The following GPC6 variants were observed in gnomAD, a reference collection of about 807,000 sequenced individuals.
The protein encoded by GPC6 is glypican-6.
GPC6 carries 14 observed loss-of-function variants against 55.2 expected under a neutral mutation model. The observed-to-expected ratio is 0.25, with a 90% CI of 0.17 to 0.40. The LOEUF is 0.40. GPC6 is among the 10% of genes least tolerant of loss of function. The probability of loss-of-function intolerance (pLI) is 1.00; values close to 1 mark genes in which losing one functional copy is unlikely to be tolerated. For synonymous variants in GPC6, 278 were observed against 259.6 expected, an observed-to-expected ratio of 1.07 and a Z score of -0.68; for missense variants, 641 against 708.5, an observed-to-expected ratio of 0.90 and a Z score of 1.08.
intron 4 of GPC6, among the ~76,000 whole-genome samples, chr13:94,095,124 T>G (rs185807713): frequency 1.5e-4 from 23 of 152,244 alleles, no homozygotes; most frequent in African/African-American, 5.5e-4. Context: ...AGATAGGAAG[T>G]AATAATAATT....
At chr13:94,232,284 TCTAACCCA>T (rs1328641372) in intron 4 of GPC6, among the ~76,000 whole-genome samples, 1 of 152,174 alleles carries the variant, frequency 6.6e-6, no homozygotes, top group Non-Finnish European at 1.5e-5. Flanking sequence ...TTTCTTTCAG[TCTAACCCA>T]CTCCTTAAGG....
chr13:93,370,715 T>C (rs978617298), intron 1 of GPC6, among the ~76,000 whole-genome samples: 3 of 152,170 alleles, frequency 2.0e-5, no homozygotes, highest in Admixed American at 6.6e-5. Flanking sequence ...CCAGGGATTA[T>C]GTTACATAGA....
intron 1 of GPC6, among the ~76,000 whole-genome samples, chr13:93,250,036 G>T (rs1202261549): frequency 6.6e-6 from 1 of 152,100 alleles, no homozygotes; most frequent in Non-Finnish European, 1.5e-5. Flanking sequence ...CAATCAAGTG[G>T]GATACTTGCT....
rs375848893 is a variant in GPC6 at position 93,269,652 on chromosome 13, A to G, written c.160+42036A>G. Among the ~76,000 whole-genome samples the G allele has an allele frequency of 3.5e-3, 534 of 151,954 alleles. 3 individuals are homozygous for G. Among genetic ancestry groups the G allele is most frequent in the African/African-American group, 0.012 (482 of 41,436 alleles). On this transcript the variant is annotated intron_variant, in intron 1 of 8. Transcript: ENST00000377047. The stretch of plus-strand genomic sequence containing the variant: ...TAGAAATATTTGTGGTAGGCCGGAC[A>G]CGGTGGCTCACGCCTGTAATCCCAG...
intron 4 of GPC6, among the ~76,000 whole-genome samples, chr13:94,259,934 A>G (rs1249269481): frequency 6.6e-6 from 1 of 152,162 alleles, no homozygotes; most frequent in Non-Finnish European, 1.5e-5. Context: ...TATTTTGTTT[A>G]TCATTAATCT....
chr13:93,236,881 T>C (rs1334352839), intron 1 of GPC6, among the ~76,000 whole-genome samples: 6 of 152,192 alleles, frequency 3.9e-5, no homozygotes, highest in South Asian at 2.1e-4. Flanking sequence ...TCCATCCAAG[T>C]TACTGCAAAA....
In GPC6 at chr13:93,888,229, C is replaced by G. The variant is rs117726609; in HGVS notation, c.711+57684C>G. On this transcript the variant is annotated intron_variant, in intron 3 of 8. Coordinates refer to ENST00000377047, the MANE Select transcript of GPC6 (RefSeq NM_005708.5). ...GGCACTTTTTTGATCAACTTCCAAT[C>G]ATTTATAAAGCAAAAGATAGTATCC... Among the ~76,000 whole-genome samples, 42 of 152,228 alleles carry G rather than the reference C, an allele frequency of 2.8e-4. No individual in the cohort carries two copies. The East Asian group carries it at 7.3e-3, about 27-fold the overall frequency.
At chr13:94,108,854 CAA>C (rs71126434) in intron 4 of GPC6, among the ~76,000 whole-genome samples, 2 of 145,294 alleles carry the variant, frequency 1.4e-5, no homozygotes, top group Non-Finnish European at 1.5e-5. Context: ...AAAAAAAAAA[CAA>C]AAAAAAAAAG....
chr13:93,426,034 C>A (rs1323504765), intron 1 of GPC6, among the ~76,000 whole-genome samples: 1 of 152,170 alleles, frequency 6.6e-6, no homozygotes, highest in Non-Finnish European at 1.5e-5. Flanking sequence ...GGGCTAAGGG[C>A]AGAAACTTCT....
At chr13:94,028,125 C>T (rs762608660) in intron 4 of GPC6, among the ~76,000 whole-genome samples, 15 of 151,942 alleles carry the variant, frequency 9.9e-5, no homozygotes, top group South Asian at 6.2e-4. Context: ...ATAAGCTGGG[C>T]GTGGTAGCAC....
chr13:94,088,561 G>C (rs1295342083), intron 4 of GPC6, among the ~76,000 whole-genome samples: 1 of 104,872 alleles, frequency 9.5e-6, no homozygotes, highest in African/African-American at 3.5e-5. Context: ...GAAGGGAAGG[G>C]CAGGGGAGGG....
intron 4 of GPC6, among the ~76,000 whole-genome samples, chr13:94,126,475 A>G (rs1886817837): frequency 6.6e-6 from 1 of 152,204 alleles, no homozygotes. Flanking sequence ...TTTGTAAAAA[A>G]GTGAATATGA....
intron 5 of GPC6, among the ~76,000 whole-genome samples, chr13:94,299,011 C>T (rs1886932): frequency 0.32 from 48,647 of 151,932 alleles, 8,274 homozygotes; most frequent in Non-Finnish European, 0.38. Context: ...CAAAAGGGGA[C>T]GATTATGACT....
chr13:93,216,791 C>T, the GPC6 span, among the ~76,000 whole-genome samples: 2 of 152,252 alleles, frequency 1.3e-5, no homozygotes, highest in East Asian at 1.9e-4. Flanking sequence ...CTAAATCTAC[C>T]TGGAATTGGC....
At chr13:93,944,014 G>T (rs1436990197) in intron 3 of GPC6, among the ~76,000 whole-genome samples, 1 of 152,204 alleles carries the variant, frequency 6.6e-6, no homozygotes, top group Non-Finnish European at 1.5e-5. Context: ...CCTATCTGGG[G>T]GGTTCTCTGA....
At chr13:93,439,477 C>T (rs1877694930) in intron 1 of GPC6, among the ~76,000 whole-genome samples, 1 of 151,986 alleles carries the variant, frequency 6.6e-6, no homozygotes, top group African/African-American at 2.4e-5. Context: ...GTAAGACATT[C>T]CTTGCTCTTC....
intron 2 of GPC6, among the ~76,000 whole-genome samples, chr13:93,580,234 C>A (rs1002161889): frequency 6.6e-6 from 1 of 152,112 alleles, no homozygotes; most frequent in African/African-American, 2.4e-5. Context: ...CTCTTGGGGT[C>A]TCTTTTATGA....
intron 2 of GPC6, among the ~76,000 whole-genome samples, chr13:93,640,372 A>C (rs1879862457): frequency 6.6e-6 from 1 of 152,118 alleles, no homozygotes; most frequent in Non-Finnish European, 1.5e-5. Context: ...TCCCATCACA[A>C]ATCTCAGAGG....
intron 4 of GPC6, among the ~76,000 whole-genome samples, chr13:94,141,101 T>G (rs1887359658): frequency 6.6e-6 from 1 of 151,968 alleles, no homozygotes; most frequent in East Asian, 1.9e-4. Context: ...TCCTGAGAAA[T>G]TGTCACCAAT....
Sources: allele counts gnomAD v4.1 joint callset (sites outside exome capture counted in the v4.1 genomes callset), GRCh38; gene constraint gnomAD v4.1.1; transcripts MANE v1.5; gene names NCBI Gene and HGNC (gene_info 2026-07-23, HGNC 2026-07-21).